DYSF: variants seen among roughly 807,000 people sequenced by gnomAD.
DYSF encodes dystrophy-associated fer-1-like 1.
Under a neutral mutation model 274.9 loss-of-function variants are expected in DYSF, and 212 were observed. That is an observed-to-expected ratio of 0.77 (90% CI 0.69 to 0.86). DYSF has a LOEUF of 0.86. Ranked by LOEUF, DYSF falls within the 40% of genes least tolerant of loss-of-function variation. The pLI, the probability that DYSF is intolerant of heterozygous loss-of-function variation, is 0.00. For synonymous variants in DYSF, 1,091 were observed against 1,078.7 expected, an observed-to-expected ratio of 1.01 and a Z score of -0.22; for missense variants, 2,666 against 2,783.2, an observed-to-expected ratio of 0.96 and a Z score of 0.95.
chr2:71,571,773 GCACACACA>G (rs1253711603), intron 29 of DYSF, among the ~76,000 whole-genome samples: 1 of 112,002 alleles, frequency 8.9e-6, no homozygotes, highest in African/African-American at 3.4e-5. Flanking sequence ...ATCACACCCA[GCACACACA>G]CAGATCACAC....
At chr2:71,477,538 GA>G (rs1475444647) in intron 1 of DYSF, among the ~76,000 whole-genome samples, 6 of 152,120 alleles carry the variant, frequency 3.9e-5, no homozygotes, top group Non-Finnish European at 2.9e-5. Flanking sequence ...CCTGCTTACA[GA>G]AGGCTGATGG....
exon 1 of DYSF, chr2:71,453,752 C>T: frequency 7.0e-6 from 4 of 569,830 alleles, no homozygotes; most frequent in South Asian, 5.9e-5. Context: ...CCCCTGTTCT[C>T]GGAACGCCGG....
chr2:71,641,720 A>C (rs949486045), intron 41 of DYSF, among the ~76,000 whole-genome samples: 2 of 152,044 alleles, frequency 1.3e-5, no homozygotes, highest in Non-Finnish European at 2.9e-5. Context: ...GGTATTTCCT[A>C]AGTATCCGAG....
Position 71,644,019 on chromosome 2 carries a change from G to A in DYSF, c.4582G>A (p.Glu1528Lys). Residue 1528 changes from glutamate (E) to lysine (K), a missense_variant, in exon 42 of 56, where the codon GAA becomes AAA. Glu to Lys is a moderately conservative substitution (Grantham distance 56, BLOSUM62 1). Coordinates refer to ENST00000410020, the MANE Select transcript of DYSF (RefSeq NM_001130987.2). ...SKFFASIGER[E>K]KCGSYLEKDF... ...ATTCTTTGCCTCCATAGGGGAGAGG[G>A]AAAAGTGCGGCTCCTACCTGGAGAA... is the stretch of plus-strand genomic sequence containing the variant. 6.2e-7 allele frequency: 1 copy of A among 1,612,676 alleles called. No homozygotes were observed. Among genetic ancestry groups the A allele is most frequent in the Non-Finnish European group, 8.5e-7 (1 of 1,179,444 alleles).
chr2:71,504,077 C>T lies in DYSF; in HGVS notation c.345+758C>T, dbSNP rs538404856. Among the ~76,000 whole-genome samples, 6 of 152,266 alleles carry T rather than the reference C, an allele frequency of 3.9e-5. No homozygotes were observed. The East Asian group carries it at 7.8e-4, about 20-fold the overall frequency. ...CTGCCCCGTGGCGGGTGTGTGAGGC[C>T]GGGGCTCCTGGCTGGCTGGGTGAGT... On this transcript the variant is annotated intron_variant, in intron 4 of 55. Coordinates refer to ENST00000410020, the MANE Select transcript of DYSF (RefSeq NM_001130987.2).
chr2:71,469,754 T>C lies in DYSF; in HGVS notation c.91+2821T>C, dbSNP rs961474743. On this transcript the variant is annotated intron_variant, in intron 1 of 55. Coordinates refer to ENST00000410020, the MANE Select transcript of DYSF (RefSeq NM_001130987.2). Reference sequence around the variant, plus strand: ...AATACTTCTCATTCTTTTGTTTTTCTATTAATTAATTCATTAACTAAAACT... The same window carrying C: ...AATACTTCTCATTCTTTTGTTTTTCCATTAATTAATTCATTAACTAAAACT... Among the ~76,000 whole-genome samples, 4 of 152,364 alleles carry C rather than the reference T, an allele frequency of 2.6e-5. No homozygotes were observed. The East Asian group carries it at 7.7e-4, about 29-fold the overall frequency.
chr2:71,582,240 G>A (rs1216112567), intron 30 of DYSF, among the ~76,000 whole-genome samples: 3 of 150,698 alleles, frequency 2.0e-5, no homozygotes, highest in Non-Finnish European at 4.4e-5. Context: ...TATGGCCCAC[G>A]AAGTCAAAAG....
intron 41 of DYSF, among the ~76,000 whole-genome samples, chr2:71,628,063 T>G (rs1446321935): frequency 1.3e-5 from 2 of 152,180 alleles, no homozygotes; most frequent in African/African-American, 2.4e-5. Context: ...TATTTGAATT[T>G]GTTTCTGCCA....
chr2:71,627,957 A>G (rs1167349528), intron 41 of DYSF, among the ~76,000 whole-genome samples: 1 of 151,918 alleles, frequency 6.6e-6, no homozygotes, highest in Non-Finnish European at 1.5e-5. Flanking sequence ...TGTTACTTTC[A>G]ACTTTTCTGT....
intron 3 of DYSF, among the ~76,000 whole-genome samples, chr2:71,500,242 G>T (rs188670209): frequency 1.3e-5 from 2 of 151,048 alleles, no homozygotes; most frequent in African/African-American, 4.9e-5. Flanking sequence ...CCTCTTCTGC[G>T]CCCCCCACCT....
intron 36 of DYSF, 45 bp from the exon 37 acceptor site, chr2:71,611,200 T>C (rs114060577): frequency 6.9e-7 from 1 of 1,443,868 alleles, no homozygotes; most frequent in East Asian, 2.3e-5. Context: ...TTTGCCTTGG[T>C]CTTCCTTCCA....
chr2:71,580,977 G>C (rs561996506), intron 30 of DYSF, among the ~76,000 whole-genome samples: 2 of 152,350 alleles, frequency 1.3e-5, no homozygotes, highest in South Asian at 2.1e-4. Context: ...CATTGTACAT[G>C]CATGAGGGTC....
chr2:71,478,934 C>G (rs1415826268), intron 1 of DYSF, among the ~76,000 whole-genome samples: 2 of 152,026 alleles, frequency 1.3e-5, no homozygotes, highest in Non-Finnish European at 1.5e-5. Flanking sequence ...GGCTCTGAAC[C>G]TGGCAGGGCG....
chr2:71,644,097 T>A (rs752253500), intron 42 of DYSF, 34 bp downstream of exon 42: 3 of 1,563,674 alleles, frequency 1.9e-6, no homozygotes, highest in Non-Finnish European at 2.6e-6. Context: ...AGTCGGTGTG[T>A]GTGTGCGTAC....
intron 55 of DYSF, among the ~76,000 whole-genome samples, chr2:71,685,800 C>G (rs1377041875): frequency 6.6e-6 from 1 of 152,164 alleles, no homozygotes; most frequent in Non-Finnish European, 1.5e-5. Context: ...AACATACTGT[C>G]CCAATTAGGA....
rs774078137 is a variant in DYSF at position 71,568,229 on chromosome 2, T to A, written c.2755T>A (p.Tyr919Asn). The A allele has an allele frequency of 5.6e-6, 9 of 1,614,108 alleles. No homozygotes were observed. Among genetic ancestry groups the A allele is most frequent in the Non-Finnish European group, 8.5e-7 (1 of 1,180,040 alleles). Residue 919 changes from tyrosine (Y) to asparagine (N), a missense_variant, in exon 26 of 56, where the codon TAC becomes AAC. This residue lies in a region of DYSF where 412 missense variants were observed against 504.0 expected (regional missense o/e 0.82). Coordinates refer to ENST00000410020, the MANE Select transcript of DYSF (RefSeq NM_001130987.2). ...VGNWGTTGLT[Y>N]PKFSDVTGKI... ...GAACTGGGGCACAACGGGCCTCACC[T>A]ACCCCAAGTTTTCTGACGTCACGGG...
At chr2:71,588,488 C>G (rs534005379) in intron 30 of DYSF, among the ~76,000 whole-genome samples, 35 of 152,072 alleles carry the variant, frequency 2.3e-4, no homozygotes, top group African/African-American at 8.2e-4. Flanking sequence ...GCTTCAGAGC[C>G]TGGGGAGAGG....
chr2:71,577,520 C>A (rs566399992), intron 30 of DYSF, among the ~76,000 whole-genome samples: 24 of 93,298 alleles, frequency 2.6e-4, no homozygotes, highest in African/African-American at 1.1e-3. Context: ...CACTCTCATG[C>A]AGCCCCCCCA....
intron 1 of DYSF, among the ~76,000 whole-genome samples, chr2:71,467,846 A>T (rs1014393578): frequency 2.0e-5 from 3 of 152,212 alleles, no homozygotes; most frequent in Non-Finnish European, 2.9e-5. Flanking sequence ...AAAGATAGTC[A>T]AATGAAGAAG....
Sources: allele counts gnomAD v4.1 joint callset (sites outside exome capture counted in the v4.1 genomes callset), GRCh38; gene constraint gnomAD v4.1.1; regional missense constraint gnomAD v4.1.1; transcripts MANE v1.5; gene names NCBI Gene and HGNC (gene_info 2026-07-23, HGNC 2026-07-21).